Variants in CRYBG3 observed in about 807,000 individuals in gnomAD.
The protein encoded by CRYBG3 is very large A-kinase anchor protein.
In CRYBG3, 127 loss-of-function variants were observed where a neutral mutation model predicts 244.2. That is an observed-to-expected ratio of 0.52 (90% confidence interval 0.45 to 0.60). The LOEUF (loss-of-function observed/expected upper bound fraction) is 0.60, where lower values mean the gene tolerates loss of function less well. Ranked by LOEUF, CRYBG3 falls within the 20% of genes least tolerant of loss-of-function variation. The pLI is 0.00. For missense variants in CRYBG3, 3,325 were observed against 3,442.5 expected, an observed-to-expected ratio of 0.97 and a Z score of 0.85; for synonymous variants, 1,132 against 1,195.8, an observed-to-expected ratio of 0.95 and a Z score of 1.10.
intron 3 of CRYBG3, among the ~76,000 whole-genome samples, chr3:97,869,854 A>C (rs2039280208): frequency 6.6e-6 from 1 of 152,202 alleles, no homozygotes; most frequent in African/African-American, 2.4e-5. Context: ...GAATTATTTC[A>C]GCTAAAATTT....
chr3:97,828,963 A>G (rs1185495988), intron 1 of CRYBG3, among the ~76,000 whole-genome samples: 1 of 152,144 alleles, frequency 6.6e-6, no homozygotes, highest in East Asian at 1.9e-4. Context: ...CTAGTGTTGC[A>G]TAACTTATTT....
chr3:97,848,484 G>A (rs1285575269), intron 2 of CRYBG3, among the ~76,000 whole-genome samples: 1 of 151,948 alleles, frequency 6.6e-6, no homozygotes, highest in Non-Finnish European at 1.5e-5. Context: ...TGTATTTTTA[G>A]TAGAGACAAG....
chr3:97,835,120 C>T (rs1458870092), intron 1 of CRYBG3, among the ~76,000 whole-genome samples: 2 of 151,886 alleles, frequency 1.3e-5, no homozygotes, highest in East Asian at 3.8e-4. Context: ...GACAATAATG[C>T]GTATATTTAT....
At chr3:97,842,909 A>C (rs946028974) in intron 1 of CRYBG3, among the ~76,000 whole-genome samples, 5 of 152,222 alleles carry the variant, frequency 3.3e-5, no homozygotes, top group Non-Finnish European at 5.9e-5. Flanking sequence ...AAAGTAATAC[A>C]CAGGTGCTCT....
chr3:97,837,819 A>C (rs1023051568), intron 1 of CRYBG3, among the ~76,000 whole-genome samples: 22 of 152,306 alleles, frequency 1.4e-4, no homozygotes, highest in African/African-American at 5.1e-4. Context: ...AGAGGTAAGC[A>C]AGCCTCTAGA....
intron 17 of CRYBG3, chr3:97,933,222 TA>T: frequency 2.4e-6 from 1 of 409,868 alleles, no homozygotes; most frequent in South Asian, 1.8e-5. Flanking sequence ...TTTTTTAAAT[TA>T]AAAATGCCTT....
chr3:97,834,284 G>C (rs1467262280), intron 1 of CRYBG3, among the ~76,000 whole-genome samples: 2 of 152,146 alleles, frequency 1.3e-5, no homozygotes, highest in African/African-American at 4.8e-5. Context: ...TACAGTTATA[G>C]AAAACAGTTA....
chr3:97,909,009 C>G (rs1382559150), intron 15 of CRYBG3, among the ~76,000 whole-genome samples: 1 of 152,000 alleles, frequency 6.6e-6, no homozygotes, highest in African/African-American at 2.4e-5. Context: ...ACTTATGAAG[C>G]TTAGTTTGGC....
Position 97,923,143 on chromosome 3 carries a change from A to T in CRYBG3, c.8241+7407A>T, listed in dbSNP as rs146499850. On this transcript the variant is annotated intron_variant, in intron 17 of 21. Transcript: ENST00000389622. ...CATAGGTGGGAATTGAACAATGAGA[A>T]CACTTGGACACAGGGCAGGGAACAT... Among the ~76,000 whole-genome samples, 5 of 152,200 alleles carry T rather than the reference A, an allele frequency of 3.3e-5. No homozygotes were observed. The East Asian group carries it at 7.8e-4, about 24-fold the overall frequency.
chr3:97,899,238 T>C lies in CRYBG3; in HGVS notation c.7946T>C (p.Ile2649Thr). The C allele has an allele frequency of 6.2e-7, 1 of 1,613,584 alleles. No individual in the cohort carries two copies. ...GACTGGGGAGGATCAAATAATATAA[T>C]CATGTCGATACGGCCAATCCAACTG... is the stretch of plus-strand genomic sequence containing the variant. ...FFDWGGSNNIIMSIRPIQLEP... is the reference protein window; with the variant it reads ...FFDWGGSNNITMSIRPIQLEP... The change falls in exon 14 of 22, where the codon ATC becomes ACC. Residue 2649 changes from isoleucine (I) to threonine (T), a missense_variant. Transcript: ENST00000389622.
At chr3:97,843,089 G>C in intron 1 of CRYBG3, 106 bp from the exon 2 acceptor site, 1 of 634,672 alleles carries the variant, frequency 1.6e-6, no homozygotes, top group Non-Finnish European at 2.7e-6. Flanking sequence ...ATCAATCTTT[G>C]AGCATTGCAG....
chr3:97,869,773 T>C (rs979283132), intron 3 of CRYBG3, among the ~76,000 whole-genome samples: 2 of 152,158 alleles, frequency 1.3e-5, no homozygotes, highest in African/African-American at 4.8e-5. Flanking sequence ...TAAATGAATA[T>C]AACTAACATA....
intron 9 of CRYBG3, among the ~76,000 whole-genome samples, chr3:97,888,916 A>G (rs1190965505): frequency 2.0e-5 from 3 of 152,208 alleles, no homozygotes; most frequent in African/African-American, 7.2e-5. Flanking sequence ...TCAGTGCTCT[A>G]ATTTAAAAAG....
chr3:97,869,038 C>G (rs1244602689), intron 3 of CRYBG3, among the ~76,000 whole-genome samples: 1 of 150,974 alleles, frequency 6.6e-6, no homozygotes, highest in Non-Finnish European at 1.5e-5. Flanking sequence ...TTTTCAGACT[C>G]TGTATCTTCA....
chr3:97,881,238 T>A lies in CRYBG3; in HGVS notation c.7152+19T>A, dbSNP rs2039443566. The A allele has an allele frequency of 6.5e-7, 1 of 1,544,890 alleles. No individual in the cohort carries two copies. The highest frequency in any genetic ancestry group is 2.0e-5 in the Admixed American group (1 of 49,216). ...CTTAAAGGTAACAACTGTAGATTTT[T>A]CTATTTTTTATTTGATTTTATTTAT... On this transcript the variant is annotated intron_variant, in intron 7 of 21. Transcript: ENST00000389622.
chr3:97,822,096 C>A lies in CRYBG3; in HGVS notation c.-111C>A. On this transcript the variant is annotated 5_prime_UTR_variant, in exon 1 of 22. Transcript: ENST00000389622. The stretch of plus-strand genomic sequence containing the variant: ...ACTGAGCCGCGCTGGCAGCTCGCGT[C>A]GAGTCGGTCTGCCCTAGCCGCATCC... The A allele has an allele frequency of 2.2e-6, 2 of 899,578 alleles. No homozygotes were observed. Among genetic ancestry groups the A allele is most frequent in the Non-Finnish European group, 3.0e-6 (2 of 669,586 alleles). The allele number at this position is 899,578 out of a possible 1,614,324, so 55.7% of individuals were successfully genotyped here.
intron 21 of CRYBG3, 134 bp downstream of exon 21, chr3:97,942,577 T>G: frequency 1.2e-6 from 1 of 839,670 alleles, no homozygotes; most frequent in Admixed American, 2.8e-5. Flanking sequence ...TGAAGAAAAT[T>G]AAGATAGGCA....
At position 97,876,760 on chromosome 3, in the gene CRYBG3, A is replaced by T; in HGVS notation, c.5566A>T (p.Asn1856Tyr). The change falls in exon 4 of 22, where the codon AAT becomes TAT. Residue 1856 changes from asparagine to tyrosine, a missense_variant. Coordinates refer to ENST00000389622, the MANE Select transcript of CRYBG3 (RefSeq NM_153605.4). ...AATATCCCCAGAAGATCGTGGTGAGAATATTGGGAAACACAAAGTGTTACC... is the reference window on the plus strand; with the variant it reads ...AATATCCCCAGAAGATCGTGGTGAGTATATTGGGAAACACAAAGTGTTACC... ...EKISPEDRGE[N>Y]IGKHKVLPAV... 7.9e-7 allele frequency: 1 copy of T among 1,260,958 alleles called. No individual in the cohort carries two copies. Among genetic ancestry groups the T allele is most frequent in the Non-Finnish European group, 9.9e-7 (1 of 1,005,800 alleles). 78.1% of individuals were successfully genotyped at this position (1,260,958 alleles called of 1,614,324 possible). A position where few individuals can be genotyped will look rare whatever the true frequency, so the allele number is the denominator to read the frequency against.
At chr3:97,834,052 T>C (rs2038694262) in intron 1 of CRYBG3, among the ~76,000 whole-genome samples, 1 of 152,030 alleles carries the variant, frequency 6.6e-6, no homozygotes, top group South Asian at 2.1e-4. Flanking sequence ...ATTAATCTAT[T>C]CCTAAGGGAT....
Sources: allele counts gnomAD v4.1 joint callset (sites outside exome capture counted in the v4.1 genomes callset), GRCh38; gene constraint gnomAD v4.1.1; transcripts MANE v1.5; gene names NCBI Gene and HGNC (gene_info 2026-07-23, HGNC 2026-07-21).